Variants in FKBP15 observed in about 807,000 individuals in gnomAD.
FKBP15 encodes the protein FK506-binding protein 15.
Under a neutral mutation model 158.1 loss-of-function variants are expected in FKBP15, and 106 were observed. The ratio of observed to expected loss-of-function variants is 0.67; its 90% CI spans 0.57 to 0.79. FKBP15 has a LOEUF of 0.79. FKBP15 is among the 30% of genes least tolerant of loss of function. The pLI is 0.00. For synonymous variants in FKBP15, 547 were observed against 548.6 expected, an observed-to-expected ratio of 1.00 and a Z score of 0.04; for missense variants, 1,287 against 1,479.1, an observed-to-expected ratio of 0.87 and a Z score of 2.13.
Position 113,199,872 on chromosome 9 carries a change from C to A in FKBP15, c.590G>T (p.Gly197Val). Residue 197 changes from glycine (G) to valine (V), a missense_variant, in exon 7 of 28, where the codon GGA becomes GTA. Gly to Val is a moderately radical substitution (Grantham distance 109, BLOSUM62 -3). Transcript: ENST00000238256. ...IVADGPAVEV[G>V]DSLEVAYTGW... ...GGTATAGGCCACTTCCAAAGAATCT[C>A]CAACTTCTACAGCAGGGCCGTCTGC... 1 of 1,613,220 alleles carries A rather than the reference C, an allele frequency of 6.2e-7. No homozygotes were observed. The highest frequency in any genetic ancestry group is 8.5e-7 in the Non-Finnish European group (1 of 1,179,596).
At chr9:113,174,374 T>C in intron 22 of FKBP15, 54 bp downstream of exon 22, 1 of 1,574,312 alleles carries the variant, frequency 6.4e-7, no homozygotes, top group South Asian at 1.2e-5. Context: ...AGCTTTTCTC[T>C]CTGAGTCCTT....
chr9:113,213,815 T>C (rs1437212412), intron 1 of FKBP15, among the ~76,000 whole-genome samples: 1 of 152,198 alleles, frequency 6.6e-6, no homozygotes, highest in Non-Finnish European at 1.5e-5. Flanking sequence ...CTTTTCTTTA[T>C]CACACTTTAG....
chr9:113,207,218 T>C lies in FKBP15; in HGVS notation c.248A>G (p.Tyr83Cys). Residue 83 changes from tyrosine (Y) to cysteine (C), a missense_variant, in exon 3 of 28, where the codon TAT becomes TGT. By Grantham distance (194) the Tyr-to-Cys change is radical. Transcript: ENST00000238256. Reference sequence around the variant, plus strand: ...TTCCTTCTCAGCGACTTACTATCGATATGCATGGACTGCTGTTGCGACCAG... The same window carrying C: ...TTCCTTCTCAGCGACTTACTATCGACATGCATGGACTGCTGTTGCGACCAG... ...TILVATAVHA[Y>C]RYTNGQYVKQ... 1.2e-6 allele frequency: 2 copies of C among 1,612,092 alleles called. No homozygotes were observed.
rs905806064 is a variant in FKBP15 at position 113,198,717 on chromosome 9, A to T, written c.717+138T>A. 1.6e-6 allele frequency: 1 copy of T among 624,680 alleles called. No individual in the cohort carries two copies. The highest frequency in any genetic ancestry group is 2.7e-6 in the Non-Finnish European group (1 of 376,386). 38.7% of individuals were successfully genotyped at this position (624,680 alleles called of 1,614,324 possible). ...CAATGAGCCAAGATCGTGCCATTGC[A>T]CTCCAGCTTGAACAACAAGAGCGAA... is the stretch of plus-strand genomic sequence containing the variant. On this transcript the variant is annotated intron_variant, in intron 8 of 27. Coordinates refer to ENST00000238256, the MANE Select transcript of FKBP15 (RefSeq NM_015258.2). The surrounding 1 kb of genome is among the most constrained non-coding windows in gnomAD (Gnocchi z 5.2).
At position 113,193,563 on chromosome 9, in the gene FKBP15, G is replaced by T; in HGVS notation, c.1008-14C>A. 3 of 1,590,444 alleles carry T rather than the reference G, an allele frequency of 1.9e-6. No homozygotes were observed. Among genetic ancestry groups the T allele is most frequent in the Non-Finnish European group, 2.6e-6 (3 of 1,166,564 alleles). On this transcript the variant is annotated splice_polypyrimidine_tract_variant and intron_variant, in intron 10 of 27. Transcript: ENST00000238256. ...AGAGCTGGCTCCCTGAAAGCAAATA[G>T]ACCATATTCCAAGATTGAAAACAAA...
At chr9:113,187,716 G>A in intron 14 of FKBP15, 77 bp downstream of exon 14, 2 of 1,189,220 alleles carry the variant, frequency 1.7e-6, no homozygotes, top group East Asian at 2.5e-5. Context: ...TGTATGAAAT[G>A]TACAGGAAGA....
In FKBP15 at chr9:113,184,922, T is replaced by C; in HGVS notation, c.1499-118A>G. 1.3e-6 allele frequency: 1 copy of C among 767,384 alleles called. No individual in the cohort carries two copies. The allele number at this position is 767,384 out of a possible 1,614,324, so 47.5% of individuals were successfully genotyped here. A position where few individuals can be genotyped will look rare whatever the true frequency, so the allele number is the denominator to read the frequency against. On this transcript the variant is annotated intron_variant, in intron 15 of 27. Transcript: ENST00000238256. The surrounding 1 kb of genome is among the most constrained non-coding windows in gnomAD (Gnocchi z 4.5). ...ATTAATACTTCCATACACTAGGAAA[T>C]GCTATAGGTGACTTCACCCTGTCAG...
chr9:113,199,493 A>G (rs1830746498), intron 7 of FKBP15, among the ~76,000 whole-genome samples: 1 of 152,244 alleles, frequency 6.6e-6, no homozygotes, highest in Non-Finnish European at 1.5e-5. Flanking sequence ...AGAAGTTTTA[A>G]GACTTAATCC....
chr9:113,169,837 C>G lies in FKBP15; in HGVS notation c.2872G>C (p.Glu958Gln), dbSNP rs867503010. The G allele has an allele frequency of 3.8e-6, 6 of 1,559,088 alleles. No homozygotes were observed. Among genetic ancestry groups the G allele is most frequent in the African/African-American group, 1.4e-5 (1 of 73,450 alleles). The change falls in exon 26 of 28, where the codon GAG becomes CAG. Residue 958 changes from glutamate to glutamine, a missense_variant. Glu to Gln is a conservative substitution (Grantham distance 29). Transcript: ENST00000238256. ...CCAGAACTGGCTGAGGCTGACTGCT[C>G]CTGGGAAGGTCTTCGTGGCCGCTCT... ...AEERPRRPSQ[E>Q]QSASASSGQP...
intron 1 of FKBP15, among the ~76,000 whole-genome samples, chr9:113,220,285 A>G (rs542945788): frequency 1.1e-4 from 16 of 152,348 alleles, no homozygotes; most frequent in Admixed American, 3.3e-4. Flanking sequence ...TTTGTTAAGC[A>G]TATGTTCAAA....
Position 113,188,495 on chromosome 9 carries a change from A to G in FKBP15, c.1174-4T>C. ...CTCCTTGCAGAGTGTTCACATCCTG[A>G]AACAGGAACAAGCGTTTGGGTTACT... On this transcript the variant is annotated splice_polypyrimidine_tract_variant and splice_region_variant and intron_variant, in intron 12 of 27. Coordinates refer to ENST00000238256, the MANE Select transcript of FKBP15 (RefSeq NM_015258.2). The G allele has an allele frequency of 6.2e-7, 1 of 1,612,900 alleles. No homozygotes were observed. The highest frequency in any genetic ancestry group is 1.1e-5 in the South Asian group (1 of 91,044).
At position 113,187,835 on chromosome 9, in the gene FKBP15, G is replaced by C; in HGVS notation, c.1341C>G (p.Leu447=). ...TTCCAGATACAGCTGAGTGGGAATC[G>C]AGAGATGACACTTGCATTAAGGCAG... The part of the protein sequence containing the change: ...PSAALMQVSS[L]DSHSAVSGNA... The change falls in exon 14 of 28, where the codon CTC becomes CTG. Residue 447 remains leucine (L), a synonymous_variant. Transcript: ENST00000238256. 1 of 1,613,916 alleles carries C rather than the reference G, an allele frequency of 6.2e-7. No homozygotes were observed. Among genetic ancestry groups the C allele is most frequent in the African/African-American group, 1.3e-5 (1 of 75,022 alleles).
intron 6 of FKBP15, among the ~76,000 whole-genome samples, chr9:113,202,146 G>A (rs1183823009): frequency 3.3e-5 from 5 of 151,798 alleles, no homozygotes; most frequent in Non-Finnish European, 1.5e-5. Context: ...CACCTGCCTC[G>A]GCCTCCCAAA....
At position 113,162,814 on chromosome 9, in the gene FKBP15, T is replaced by A; in HGVS notation, c.*3264A>T. ...ATCCAGGTGGTCATCGGCTACTTCA[T>A]CATGCTGGCCGTAATGTCCTACAAC... On this transcript the variant is annotated 3_prime_UTR_variant, in exon 28 of 28. Coordinates refer to ENST00000238256, the MANE Select transcript of FKBP15 (RefSeq NM_015258.2). The A allele has an allele frequency of 6.2e-7, 1 of 1,613,870 alleles. No individual in the cohort carries two copies. Among genetic ancestry groups the A allele is most frequent in the Non-Finnish European group, 8.5e-7 (1 of 1,179,806 alleles).
chr9:113,169,987 T>A, intron 25 of FKBP15, 45 bp from the exon 26 acceptor site: 1 of 1,486,158 alleles, frequency 6.7e-7, no homozygotes, highest in Non-Finnish European at 8.9e-7. Context: ...AGGAACACAG[T>A]AGCCACTCCT....
chr9:113,166,207 A>C, intron 27 of FKBP15, 52 bp from the exon 28 acceptor site: 1 of 1,507,490 alleles, frequency 6.6e-7, no homozygotes, highest in Non-Finnish European at 9.1e-7. Context: ...GCACCACTGG[A>C]CTTTCCACCT....
In FKBP15 at chr9:113,202,955, T is replaced by G; in HGVS notation, c.399+6A>C. On this transcript the variant is annotated splice_donor_region_variant and intron_variant, in intron 5 of 27. Transcript: ENST00000238256. ...AGCTAATGATTCCAATATGATGAAG[T>G]CTTACCATTAGCTCAAAGTTCACAT... The G allele has an allele frequency of 1.2e-6, 2 of 1,607,898 alleles. No homozygotes were observed. Among genetic ancestry groups the G allele is most frequent in the Non-Finnish European group, 1.7e-6 (2 of 1,175,410 alleles).
chr9:113,210,332 C>CT (rs35201179), intron 2 of FKBP15, among the ~76,000 whole-genome samples: 4,874 of 114,582 alleles, frequency 0.043, 545 homozygotes, highest in African/African-American at 0.15. Flanking sequence ...GTTGTGATGG[C>CT]TTTTTTTTTT....
At chr9:113,190,644 C>A in intron 11 of FKBP15, 66 bp from the exon 12 acceptor site, 3 of 1,185,500 alleles carry the variant, frequency 2.5e-6, no homozygotes, top group Non-Finnish European at 3.7e-6. Context: ...GCAGCTCTAT[C>A]CCTTTGGCTC....
Sources: gnomAD v4.1 joint callset for allele counts (sites outside exome capture counted in the v4.1 genomes callset) on GRCh38, gnomAD v4.1.1 for gene constraint, Gnocchi (gnomAD v3.1) non-coding constraint, MANE v1.5 for transcripts, NCBI Gene and HGNC (gene_info 2026-07-23, HGNC 2026-07-21) for gene names.